The following ASH1L variants were observed in gnomAD, a reference collection of about 807,000 sequenced individuals.
The protein encoded by ASH1L is ASH1 like histone lysine methyltransferase.
In ASH1L, 23 loss-of-function variants were observed where a neutral mutation model predicts 269.0. The ratio of observed to expected loss-of-function variants is 0.09; its 90% CI spans 0.06 to 0.12. The LOEUF is 0.12. Ranked by LOEUF, ASH1L falls within the 10% of genes least tolerant of loss-of-function variation. The pLI is 1.00. For missense variants in ASH1L, 2,912 were observed against 3,567.8 expected (o/e 0.82, Z 4.68); for synonymous variants, 1,187 against 1,253.5 (o/e 0.95, Z 1.12).
At chr1:155,552,842 C>T (rs975626848) in intron 1 of ASH1L, among the ~76,000 whole-genome samples, 1 of 152,152 alleles carries the variant, frequency 6.6e-6, no homozygotes, top group Non-Finnish European at 1.5e-5. Context: ...AAGTAATCTG[C>T]TTTGCTATAT....
chr1:155,381,531 T>G (rs1041089028), intron 7 of ASH1L, among the ~76,000 whole-genome samples: 24 of 144,354 alleles, frequency 1.7e-4, no homozygotes, highest in African/African-American at 6.2e-4. Flanking sequence ...GCCTGGACAA[T>G]AGTGCGAGAC....
intron 12 of ASH1L, among the ~76,000 whole-genome samples, chr1:155,361,738 T>C (rs1309994342): frequency 1.3e-5 from 2 of 151,352 alleles, no homozygotes; most frequent in African/African-American, 4.9e-5. Flanking sequence ...ACAGGTGTGG[T>C]GGCGCATGTC....
At chr1:155,431,109 G>T (rs1431776654) in intron 5 of ASH1L, among the ~76,000 whole-genome samples, 1 of 152,020 alleles carries the variant, frequency 6.6e-6, no homozygotes, top group African/African-American at 2.4e-5. Context: ...TACTCCAGAG[G>T]CTGAGGCAGG....
intron 20 of ASH1L, 132 bp downstream of exon 20, chr1:155,347,524 A>G (rs1653464192): frequency 4.2e-6 from 5 of 1,179,332 alleles, no homozygotes; most frequent in African/African-American, 1.5e-5. Context: ...CAGAAACCTA[A>G]CAGAAACCAA....
chr1:155,466,149 T>C (rs1442775229), intron 3 of ASH1L, among the ~76,000 whole-genome samples: 2 of 152,070 alleles, frequency 1.3e-5, no homozygotes, highest in African/African-American at 4.8e-5. Context: ...GGTCAGGAGA[T>C]TGAGACCATC....
At chr1:155,338,726 C>T (rs1217832463) in intron 26 of ASH1L, among the ~76,000 whole-genome samples, 1 of 152,100 alleles carries the variant, frequency 6.6e-6, no homozygotes, top group Admixed American at 6.5e-5. Context: ...CTTGTGATGC[C>T]AATAATCCAA....
intron 5 of ASH1L, chr1:155,419,539 CTTG>C (rs1660501503): frequency 6.6e-6 from 1 of 152,092 alleles, no homozygotes; most frequent in Admixed American, 6.6e-5. Context: ...ACAGGTGATT[CTTG>C]TTCCACACAA....
intron 1 of ASH1L, among the ~76,000 whole-genome samples, chr1:155,527,207 C>CA (rs899335996): frequency 1.8e-4 from 27 of 147,856 alleles, no homozygotes; most frequent in Non-Finnish European, 3.0e-4. Flanking sequence ...GACTCCGTCT[C>CA]AAAAAAAAAG....
chr1:155,506,424 C>T (rs1242988789), intron 2 of ASH1L, among the ~76,000 whole-genome samples: 3 of 152,130 alleles, frequency 2.0e-5, no homozygotes, highest in African/African-American at 4.8e-5. Flanking sequence ...AGGCTGGGCA[C>T]GGTGGCTCAC....
chr1:155,554,111 G>T (rs945607603), intron 1 of ASH1L, among the ~76,000 whole-genome samples: 23 of 150,918 alleles, frequency 1.5e-4, no homozygotes, highest in Admixed American at 6.0e-4. Context: ...TAGAGACAGG[G>T]TCTCACTCTG....
At chr1:155,360,645 T>C (rs112535994) in intron 12 of ASH1L, among the ~76,000 whole-genome samples, 5,579 of 152,036 alleles carry the variant, frequency 0.037, 357 homozygotes, top group African/African-American at 0.13. Flanking sequence ...GGTTTCACCA[T>C]GTTGGCCAGG....
rs891662771 is a variant in ASH1L at position 155,480,910 on chromosome 1, G to A, written c.1960C>T (p.Pro654Ser). 4 of 1,613,696 alleles carry A rather than the reference G, an allele frequency of 2.5e-6. No individual in the cohort carries two copies. In the East Asian group the frequency reaches 6.7e-5, roughly 27 times the overall value. Reference sequence around the variant, plus strand: ...ATGCTGGATTCAGAAGTCAAACTTGGCTTTTTTCCAAGGGAAGAGCTTATT... The same window carrying A: ...ATGCTGGATTCAGAAGTCAAACTTGACTTTTTTCCAAGGGAAGAGCTTATT... ...PRISSSLGKK[P>S]SLTSESSIHT... The change falls in exon 3 of 28, where the codon CCA (proline) becomes TCA (serine). Residue 654 changes from proline to serine, a missense_variant. Physicochemically the swap from Pro to Ser is moderately conservative, Grantham distance 74. Transcript: ENST00000392403.
rs1394046585 is a variant in ASH1L, at chr1:155,535,174, A to G, written c.-99-13556T>C. ...ATTGCACTCCAGCCTGGGCAACAAT[A>G]GTAAAACTCCATTTAAAAAAAAAAA... On this transcript the variant is annotated intron_variant, in intron 1 of 27. Coordinates refer to ENST00000392403, the MANE Select transcript of ASH1L (RefSeq NM_018489.3). Among the ~76,000 whole-genome samples the G allele has an allele frequency of 4.6e-5, 7 of 151,412 alleles. No individual in the cohort carries two copies. In the East Asian group the frequency reaches 1.4e-3, roughly 29 times the overall value.
At chr1:155,530,742 G>GA (rs1302517720) in intron 1 of ASH1L, among the ~76,000 whole-genome samples, 62 of 122,008 alleles carry the variant, frequency 5.1e-4, no homozygotes, top group East Asian at 2.9e-3. Flanking sequence ...TCTCGGGAAG[G>GA]AAAAAAAAAA....
chr1:155,388,768 G>C (rs1480384980), intron 7 of ASH1L, among the ~76,000 whole-genome samples: 1 of 145,706 alleles, frequency 6.9e-6, no homozygotes, highest in Non-Finnish European at 1.5e-5. Flanking sequence ...CACCCAGGCT[G>C]GAGTGCGCTG....
At chr1:155,433,594 C>G (rs774968394) in intron 5 of ASH1L, 2 of 1,610,572 alleles carry the variant, frequency 1.2e-6, no homozygotes, top group Middle Eastern at 1.7e-4. Flanking sequence ...AGTCCCAGAA[C>G]ATCAAAGCTC....
chr1:155,347,891 C>A lies in ASH1L; in HGVS notation c.7568G>T (p.Arg2523Leu). Residue 2523 changes from arginine to leucine, a missense_variant, in exon 20 of 28, where the codon CGT becomes CTT. This residue lies in a region of ASH1L where 309 missense variants were observed against 435.1 expected (regional missense o/e 0.71). Transcript: ENST00000392403. ...AACATCTCTCCCAACTGGGGATTTACGCCCATAGTACTTCTGAAGAAAGCA... is the reference window on the plus strand; with the variant it reads ...AACATCTCTCCCAACTGGGGATTTAAGCCCATAGTACTTCTGAAGAAAGCA... ...VFRNAEKYYG[R>L]KSPVGRDVCR... 1 of 1,614,152 alleles carries A rather than the reference C, an allele frequency of 6.2e-7. No individual in the cohort carries two copies. Among genetic ancestry groups the A allele is most frequent in the Non-Finnish European group, 8.5e-7 (1 of 1,180,028 alleles).
Position 155,478,403 on chromosome 1 carries a change from G to A in ASH1L, c.4467C>T (p.His1489=), listed in dbSNP as rs1025660776. 1 of 1,614,144 alleles carries A rather than the reference G, an allele frequency of 6.2e-7. No homozygotes were observed. Among genetic ancestry groups the A allele is most frequent in the Non-Finnish European group, 8.5e-7 (1 of 1,180,028 alleles). The change falls in exon 3 of 28, where the codon CAC becomes CAT. Residue 1489 remains histidine, a synonymous_variant. Transcript: ENST00000392403. The surrounding 1 kb of genome is among the most constrained non-coding windows in gnomAD (Gnocchi z 4.6). Reference sequence around the variant, plus strand: ...GTTGTTCAGAAGAACGGTGTTCTCTGTGTTTGTGACGGTGCCTGTGTTTGT... The same window carrying A: ...GTTGTTCAGAAGAACGGTGTTCTCTATGTTTGTGACGGTGCCTGTGTTTGT... ...VEHKHRHRHK[H]REHRSSEQPQ...
At chr1:155,484,864 G>A (rs1666198201) in intron 2 of ASH1L, among the ~76,000 whole-genome samples, 1 of 148,742 alleles carries the variant, frequency 6.7e-6, no homozygotes, top group African/African-American at 2.5e-5. Context: ...GGGAGGGGGA[G>A]GTTGCAGTGA....
Sources: allele counts gnomAD v4.1 joint callset (sites outside exome capture counted in the v4.1 genomes callset), GRCh38; gene constraint gnomAD v4.1.1; regional missense constraint gnomAD v4.1.1; non-coding constraint Gnocchi (gnomAD v3.1); transcripts MANE v1.5; gene names NCBI Gene and HGNC (gene_info 2026-07-23, HGNC 2026-07-21).